The following PPT1 variants were observed in gnomAD, a reference collection of about 807,000 sequenced individuals.
PPT1 encodes the protein ceroid-palmitoyl-palmitoyl-protein thioesterase 1.
In PPT1, 24 loss-of-function variants were observed where a neutral mutation model predicts 44.0. The observed-to-expected ratio is 0.54, with a 90% confidence interval of 0.39 to 0.77. The LOEUF is 0.77. Among genes scored for constraint, PPT1 ranks in the 30% least tolerant of loss-of-function variants. The probability of loss-of-function intolerance (pLI) is 0.00; values close to 1 mark genes in which losing one functional copy is unlikely to be tolerated. For synonymous variants in PPT1, 148 were observed against 140.2 expected (o/e 1.06, Z -0.39); for missense variants, 341 against 378.8 (o/e 0.90, Z 0.83).
chr1:40,074,461 G>C (rs11488236), intron 8 of PPT1, among the ~76,000 whole-genome samples: 1 of 113,136 alleles, frequency 8.8e-6, no homozygotes, highest in Non-Finnish European at 1.6e-5. Context: ...CTCTCTCTCT[G>C]TCTCTCTTTC....
At chr1:40,083,237 CAGG>C (rs1247735232) in intron 5 of PPT1, among the ~76,000 whole-genome samples, 1 of 152,168 alleles carries the variant, frequency 6.6e-6, no homozygotes, top group Non-Finnish European at 1.5e-5. Context: ...CATTTGAGGC[CAGG>C]AGTTCAAGAC....
intron 5 of PPT1, among the ~76,000 whole-genome samples, chr1:40,080,956 C>T (rs1266890395): frequency 1.3e-5 from 2 of 152,172 alleles, no homozygotes; most frequent in Admixed American, 6.5e-5. Context: ...ACCTAGGAAA[C>T]AGTCTGTCAA....
rs906447282 is a variant in PPT1 at position 40,078,641 on chromosome 1, G to A, written c.645C>T (p.Tyr215=). The A allele has an allele frequency of 8.1e-6, 13 of 1,613,556 alleles. No individual in the cohort carries two copies. The African/African-American group carries it at 9.3e-5, about 12-fold the overall frequency. Residue 215 remains tyrosine, a synonymous_variant, in exon 7 of 9, where the codon TAC becomes TAT. Coordinates refer to ENST00000642050, the MANE Select transcript of PPT1 (RefSeq NM_000310.4). ...TCTTCAGGGCCATCAGGTTTTTCTT[G>A]TAGGACTCATTGATACCCTGAAAGA... is the stretch of plus-strand genomic sequence containing the variant. ...INQERGINES[Y]KKNLMALKKF...
At chr1:40,074,355 C>CT (rs979960853) in intron 8 of PPT1, among the ~76,000 whole-genome samples, 172 bp from the exon 9 acceptor site, 8 of 151,872 alleles carry the variant, frequency 5.3e-5, no homozygotes, top group African/African-American at 7.3e-5. Context: ...TTTTCTTTCT[C>CT]TTTTTTCTTT....
intron 1 of PPT1, among the ~76,000 whole-genome samples, chr1:40,095,169 T>C (rs537812884): frequency 6.6e-6 from 1 of 152,346 alleles, no homozygotes; most frequent in African/African-American, 2.4e-5. Context: ...CAACATTTGA[T>C]GCAGTTGATC....
chr1:40,072,957 CTA>C lies in PPT1; in HGVS notation c.*1102_*1103del, dbSNP rs1648322464. ...GCGTTAAGTTTTCACAGAGTGGGGA[CTA>C]TGATTTCCATGCTCAAATAGTGTAG... On this transcript the variant is annotated 3_prime_UTR_variant, in exon 9 of 9. Transcript: ENST00000642050. The C allele has an allele frequency of 1.3e-5, 2 of 152,188 alleles. No individual in the cohort carries two copies. Among genetic ancestry groups the C allele is most frequent in the African/African-American group, 2.4e-5 (1 of 41,436 alleles). The allele number at this position is 152,188 out of a possible 1,614,324, so 9.4% of individuals were successfully genotyped here. A position where few individuals can be genotyped will look rare whatever the true frequency, so the allele number is the denominator to read the frequency against.
chr1:40,095,229 G>A (rs1184372866), intron 1 of PPT1, among the ~76,000 whole-genome samples: 4 of 152,064 alleles, frequency 2.6e-5, no homozygotes, highest in East Asian at 1.9e-4. Flanking sequence ...AGGACACTGC[G>A]CTTTCCTGAC....
chr1:40,074,222 T>A, intron 8 of PPT1, 39 bp from the exon 9 acceptor site: 3 of 1,613,120 alleles, frequency 1.9e-6, no homozygotes. Flanking sequence ...AAAAGCTTAA[T>A]GAAGTTTTGG....
At chr1:40,083,729 C>T (rs551640112) in intron 5 of PPT1, among the ~76,000 whole-genome samples, 5 of 152,024 alleles carry the variant, frequency 3.3e-5, no homozygotes, top group Admixed American at 1.3e-4. Context: ...GCAAAGTAAA[C>T]GGAAAACCTG....
intron 1 of PPT1, among the ~76,000 whole-genome samples, chr1:40,093,127 G>C (rs112642565): frequency 1.4e-4 from 22 of 152,282 alleles, no homozygotes; most frequent in Non-Finnish European, 2.9e-4. Context: ...CAATCCAGCA[G>C]TCCATCAATG....
At chr1:40,088,123 C>T (rs955910424) in intron 5 of PPT1, among the ~76,000 whole-genome samples, 2 of 151,708 alleles carry the variant, frequency 1.3e-5, no homozygotes, top group East Asian at 3.9e-4. Context: ...ATCAAGAGCA[C>T]GTCAGACCTA....
intron 3 of PPT1, 146 bp downstream of exon 3, chr1:40,091,899 C>A: frequency 9.8e-7 from 1 of 1,021,618 alleles, no homozygotes; most frequent in Non-Finnish European, 1.4e-6. Context: ...AATTAAGTTC[C>A]ATAAAGCTTC....
intron 6 of PPT1, 114 bp from the exon 7 acceptor site, chr1:40,078,772 T>C (rs1367905890): frequency 2.3e-6 from 2 of 878,154 alleles, no homozygotes; most frequent in Non-Finnish European, 3.8e-6. Context: ...TTCTTCCCCA[T>C]GGGTATGGGC....
intron 6 of PPT1, among the ~76,000 whole-genome samples, chr1:40,079,894 T>G (rs1289257954): frequency 1.3e-5 from 2 of 152,240 alleles, no homozygotes; most frequent in Non-Finnish European, 2.9e-5. Context: ...TTGTTTTTTG[T>G]TTGGTTTGTT....
At chr1:40,092,559 T>C (rs1398086057) in intron 1 of PPT1, 52 bp from the exon 2 acceptor site, 1 of 1,429,578 alleles carries the variant, frequency 7.0e-7, no homozygotes, top group Admixed American at 1.7e-5. Flanking sequence ...TATTGTTTAT[T>C]GTTTAAAAAC....
At position 40,080,537 on chromosome 1, in the gene PPT1, C is replaced by T. The variant is rs77623018; in HGVS notation, c.537-50G>A. The T allele has an allele frequency of 0.063, 98,932 of 1,562,426 alleles. 4,213 individuals carry two copies. The highest frequency in any genetic ancestry group is 0.14 in the East Asian group (6,323 of 44,420). On this transcript the variant is annotated intron_variant, in intron 5 of 8. Coordinates refer to ENST00000642050, the MANE Select transcript of PPT1 (RefSeq NM_000310.4). The stretch of plus-strand genomic sequence containing the variant: ...TGATCAAGCTACAGGTCAGTCAGTA[C>T]GCCCAGGGCATGCTCAGTGCAAAGG...
In PPT1 at chr1:40,091,336, T is replaced by C. The variant is rs759480265; in HGVS notation, c.426A>G (p.Gln142=). ...GCAAAGAGGCAAAGTTACCTTGATG[T>C]TGTCCCCCAACCGAGATCAGATTGA... ...PMINLISVGG[Q]HQGVFGLPRC... Residue 142 remains glutamine, a synonymous_variant, in exon 4 of 9, where the codon CAA becomes CAG. Transcript: ENST00000642050. The C allele has an allele frequency of 1.2e-6, 2 of 1,613,846 alleles. No individual in the cohort carries two copies. Among genetic ancestry groups the C allele is most frequent in the Admixed American group, 3.3e-5 (2 of 60,020 alleles).
downstream of PPT1, chr1:40,072,076 A>G: frequency 5.0e-6 from 2 of 402,442 alleles, no homozygotes; most frequent in Non-Finnish European, 8.8e-6. Context: ...TGTTTCCTAT[A>G]AGCATTCCTT....
In PPT1 at chr1:40,091,348, C is replaced by A; in HGVS notation, c.414G>T (p.Ser138=). 5.0e-6 allele frequency: 8 copies of A among 1,613,972 alleles called. No homozygotes were observed. Among genetic ancestry groups the A allele is most frequent in the Non-Finnish European group, 6.8e-6 (8 of 1,179,974 alleles). Residue 138 remains serine (S), a synonymous_variant, in exon 4 of 9, where the codon TCG becomes TCT. Transcript: ENST00000642050. ...AGTTACCTTGATGTTGTCCCCCAAC[C>A]GAGATCAGATTGATCATGGGAGGTG... ...CPSPPMINLI[S]VGGQHQGVFG...
Sources: allele counts gnomAD v4.1 joint callset (sites outside exome capture counted in the v4.1 genomes callset), GRCh38; gene constraint gnomAD v4.1.1; transcripts MANE v1.5; gene names NCBI Gene and HGNC (gene_info 2026-07-23, HGNC 2026-07-21).